The following TTC28 variants were observed in gnomAD, a reference collection of about 807,000 sequenced individuals.
TTC28 encodes the protein tetratricopeptide repeat domain 28, also known as tetratricopeptide repeat protein 28.
Under a neutral mutation model 198.0 loss-of-function variants are expected in TTC28, and 61 were observed. That is an observed-to-expected ratio of 0.31 (90% CI 0.25 to 0.38). TTC28 has a LOEUF of 0.38. Ranked by LOEUF, TTC28 falls within the 10% of genes least tolerant of loss-of-function variation. TTC28 has a pLI of 1.00. For missense variants in TTC28, 2,678 were observed against 3,164.0 expected (o/e 0.85, Z 3.69); for synonymous variants, 1,171 against 1,297.8 (o/e 0.90, Z 2.10).
chr22:28,637,661 A>G (rs1231348039), intron 1 of TTC28, among the ~76,000 whole-genome samples: 3 of 152,174 alleles, frequency 2.0e-5, no homozygotes, highest in African/African-American at 7.2e-5. Context: ...TTACCTATCA[A>G]TAATTACTTT....
In TTC28 at chr22:28,083,901, G is replaced by A. The variant is rs188496362; in HGVS notation, c.3932+10179C>T. On this transcript the variant is annotated intron_variant, in intron 12 of 22. Coordinates refer to ENST00000397906, the MANE Select transcript of TTC28 (RefSeq NM_001145418.2). ...GCTCAGAGGGTCCTACGCCCACGGA[G>A]CCTCGCTCATTGCTAGCACAGCAGT... Among the ~76,000 whole-genome samples, 1,406 of 152,344 alleles carry A rather than the reference G, an allele frequency of 9.2e-3. 23 individuals carry two copies. Among genetic ancestry groups the A allele is most frequent in the African/African-American group, 0.031 (1,307 of 41,584 alleles).
intron 2 of TTC28, among the ~76,000 whole-genome samples, chr22:28,534,965 G>T (rs2049235024): frequency 6.6e-6 from 1 of 151,994 alleles, no homozygotes; most frequent in Admixed American, 6.6e-5. Context: ...TAATGTAAAT[G>T]AGTTAATGGG....
chr22:28,497,203 A>G (rs2048468431), intron 2 of TTC28, among the ~76,000 whole-genome samples: 1 of 152,156 alleles, frequency 6.6e-6, no homozygotes, highest in Non-Finnish European at 1.5e-5. Flanking sequence ...CTGGGAGAAC[A>G]AGGAGAATTT....
chr22:28,303,089 A>G (rs1055739286), intron 3 of TTC28, among the ~76,000 whole-genome samples: 1 of 152,232 alleles, frequency 6.6e-6, no homozygotes, highest in African/African-American at 2.4e-5. Context: ...TAGTTTTTAG[A>G]TTGCCAAATT....
At chr22:28,658,055 T>G (rs1052822332) in intron 1 of TTC28, among the ~76,000 whole-genome samples, 1 of 152,232 alleles carries the variant, frequency 6.6e-6, no homozygotes, top group Admixed American at 6.5e-5. Context: ...CATAATAATA[T>G]GCATTTCTAG....
chr22:28,670,100 G>C (rs1422054630), intron 1 of TTC28, among the ~76,000 whole-genome samples: 1 of 95,450 alleles, frequency 1.0e-5, no homozygotes, highest in Non-Finnish European at 2.1e-5. Flanking sequence ...AATAAAAATG[G>C]GGGGGGGGCA....
At chr22:28,011,210 G>C (rs2146575276) in intron 14 of TTC28, among the ~76,000 whole-genome samples, 1 of 152,258 alleles carries the variant, frequency 6.6e-6, no homozygotes, top group South Asian at 2.1e-4. Flanking sequence ...CTAACAGAAG[G>C]CCTACATGTC....
At chr22:28,349,737 C>T (rs543691107) in intron 2 of TTC28, among the ~76,000 whole-genome samples, 32 of 152,262 alleles carry the variant, frequency 2.1e-4, no homozygotes, top group African/African-American at 7.7e-4. Context: ...AGAAACATTA[C>T]ATATAAATGT....
chr22:28,505,896 C>T (rs1369423412), intron 2 of TTC28, among the ~76,000 whole-genome samples: 1 of 152,190 alleles, frequency 6.6e-6, no homozygotes, highest in Admixed American at 6.5e-5. Flanking sequence ...GAACGGAGTT[C>T]CCGGGGAAGA....
chr22:28,208,561 A>G (rs1177427750), intron 5 of TTC28, among the ~76,000 whole-genome samples: 2 of 152,174 alleles, frequency 1.3e-5, no homozygotes, highest in African/African-American at 2.4e-5. Context: ...ATGGCCTAAC[A>G]TTCACATATG....
chr22:28,516,804 T>C (rs1209709583), intron 2 of TTC28, among the ~76,000 whole-genome samples: 1 of 152,116 alleles, frequency 6.6e-6, no homozygotes, highest in Admixed American at 6.5e-5. Flanking sequence ...ATAATAAGCA[T>C]GTGAAGTAAC....
intron 2 of TTC28, among the ~76,000 whole-genome samples, chr22:28,629,167 T>C (rs954383495): frequency 4.6e-5 from 7 of 152,044 alleles, no homozygotes; most frequent in African/African-American, 1.7e-4. Context: ...AAACAGTCAT[T>C]GACAGAGAAT....
chr22:28,277,628 G>A (rs1365066229), intron 5 of TTC28, among the ~76,000 whole-genome samples: 1 of 152,080 alleles, frequency 6.6e-6, no homozygotes, highest in African/African-American at 2.4e-5. Flanking sequence ...GTTTCAGCAT[G>A]GATAACTCCT....
intron 2 of TTC28, among the ~76,000 whole-genome samples, chr22:28,326,973 C>CA (rs1491166530): frequency 1.1e-5 from 1 of 94,490 alleles, no homozygotes; most frequent in African/African-American, 3.5e-5. Flanking sequence ...TACACAAACA[C>CA]AAACACACAC....
chr22:28,580,249 T>C (rs1394064180), intron 2 of TTC28, among the ~76,000 whole-genome samples: 1 of 152,194 alleles, frequency 6.6e-6, no homozygotes, highest in African/African-American at 2.4e-5. Flanking sequence ...TGTCTTATAA[T>C]ATGATTCTTC....
chr22:28,234,025 G>C (rs980247995), intron 5 of TTC28, among the ~76,000 whole-genome samples: 1 of 151,786 alleles, frequency 6.6e-6, no homozygotes, highest in African/African-American at 2.4e-5. Flanking sequence ...TCCTGCCTCA[G>C]CCTCCCGAGT....
At chr22:28,633,235 G>A (rs1382266247) in intron 1 of TTC28, among the ~76,000 whole-genome samples, 1 of 148,242 alleles carries the variant, frequency 6.7e-6, no homozygotes, top group African/African-American at 2.5e-5. Flanking sequence ...AGCCAAAATT[G>A]CACCATTGCA....
chr22:28,202,900 A>C (rs1926094865), intron 5 of TTC28, among the ~76,000 whole-genome samples: 1 of 152,226 alleles, frequency 6.6e-6, no homozygotes, highest in Admixed American at 6.5e-5. Flanking sequence ...TCTTTTTTTT[A>C]AAGAAAAATA....
chr22:28,109,655 G>T (rs1006562447), intron 6 of TTC28, among the ~76,000 whole-genome samples: 1 of 152,224 alleles, frequency 6.6e-6, no homozygotes, highest in Non-Finnish European at 1.5e-5. Flanking sequence ...TCAAATGAGG[G>T]ATAGCATAAT....
Sources: gnomAD v4.1 joint callset for allele counts (sites outside exome capture counted in the v4.1 genomes callset) on GRCh38, gnomAD v4.1.1 for gene constraint, MANE v1.5 for transcripts, NCBI Gene and HGNC (gene_info 2026-07-23, HGNC 2026-07-21) for gene names.